EXOC2: variants seen among roughly 807,000 people sequenced by gnomAD.
The protein encoded by EXOC2 is SEC5-like 1.
Under a neutral mutation model 131.8 loss-of-function variants are expected in EXOC2, and 70 were observed. The ratio of observed to expected loss-of-function variants is 0.53; its 90% CI spans 0.44 to 0.65. The LOEUF (loss-of-function observed/expected upper bound fraction) is 0.65. Ranked by LOEUF, EXOC2 falls within the 30% of genes least tolerant of loss-of-function variation. The pLI is 0.00. For missense variants in EXOC2, 923 were observed against 1,108.6 expected (o/e 0.83, Z 2.38); for synonymous variants, 411 against 398.4 (o/e 1.03, Z -0.38).
chr6:688,418 G>C (rs1456843418), intron 1 of EXOC2, among the ~76,000 whole-genome samples: 2 of 152,286 alleles, frequency 1.3e-5, no homozygotes, highest in South Asian at 2.1e-4. Flanking sequence ...CTGAGAAGCT[G>C]CCAGGCAGAT....
At position 584,058 on chromosome 6, in the gene EXOC2, C is replaced by T. The variant is rs115534238; in HGVS notation, c.1193-7176G>A. On this transcript the variant is annotated intron_variant, in intron 11 of 27. Coordinates refer to ENST00000230449, the MANE Select transcript of EXOC2 (RefSeq NM_018303.6). ...AAAAAAGAAGCTTCCTAATGTGCAA[C>T]CTTATTATGATAACTTTAAAATTAA... Among the ~76,000 whole-genome samples, 761 of 152,212 alleles carry T rather than the reference C, an allele frequency of 5.0e-3. 7 individuals are homozygous for T. Among genetic ancestry groups the T allele is most frequent in the African/African-American group, 0.017 (719 of 41,530 alleles).
At chr6:660,260 G>A (rs201579064) in intron 1 of EXOC2, among the ~76,000 whole-genome samples, 7,012 of 133,754 alleles carry the variant, frequency 0.052, 370 homozygotes, top group East Asian at 0.34. Flanking sequence ...CTAGGGCCCC[G>A]CCCACTGCCA....
chr6:573,886 A>G (rs1758430468), intron 12 of EXOC2, among the ~76,000 whole-genome samples: 1 of 152,058 alleles, frequency 6.6e-6, no homozygotes, highest in Non-Finnish European at 1.5e-5. Context: ...TTTCTGAAAT[A>G]TTTTTTATAT....
chr6:556,237 G>A (rs1365476082), intron 18 of EXOC2, among the ~76,000 whole-genome samples: 1 of 152,130 alleles, frequency 6.6e-6, no homozygotes, highest in Non-Finnish European at 1.5e-5. Context: ...CAAGAGCCAG[G>A]CCCATCAATA....
intron 11 of EXOC2, among the ~76,000 whole-genome samples, chr6:582,321 G>T (rs1244062209): frequency 6.6e-6 from 1 of 152,040 alleles, no homozygotes; most frequent in Non-Finnish European, 1.5e-5. Context: ...CACGGAGCCA[G>T]GTGAGTAAGG....
At chr6:675,070 CCTCT>C (rs1448008889) in intron 1 of EXOC2, among the ~76,000 whole-genome samples, 1 of 152,188 alleles carries the variant, frequency 6.6e-6, no homozygotes, top group Non-Finnish European at 1.5e-5. Context: ...TCCCTGGCTC[CCTCT>C]GCCTCCTGAC....
At chr6:547,832 A>T (rs1478122369) in intron 22 of EXOC2, among the ~76,000 whole-genome samples, 1 of 152,320 alleles carries the variant, frequency 6.6e-6, no homozygotes, top group East Asian at 1.9e-4. Context: ...AATGATCTGG[A>T]CAAAGACAAG....
chr6:539,709 G>A (rs1050511938), intron 22 of EXOC2, among the ~76,000 whole-genome samples: 1 of 152,110 alleles, frequency 6.6e-6, no homozygotes, highest in African/African-American at 2.4e-5. Flanking sequence ...TAAAAATTAT[G>A]CTTCCAAGAA....
intron 1 of EXOC2, among the ~76,000 whole-genome samples, chr6:650,422 C>CT (rs768701930): frequency 1.2e-4 from 18 of 152,144 alleles, no homozygotes; most frequent in Non-Finnish European, 2.6e-4. Context: ...AACGGGCACT[C>CT]TCTAGTTTTT....
rs1292979995 is a variant in EXOC2 at position 486,350 on chromosome 6, C to T, written c.*321G>A. On this transcript the variant is annotated 3_prime_UTR_variant, in exon 28 of 28. Transcript: ENST00000230449. ...CTGAGAAATGCTTCAATATGTGCCA[C>T]GCCATTCCAGAAAACTCCCTGCAGA... 1.6e-5 allele frequency: 4 copies of T among 245,198 alleles called. No homozygotes were observed. Among genetic ancestry groups the T allele is most frequent in the South Asian group, 7.9e-5 (1 of 12,580 alleles). 15.2% of individuals were successfully genotyped at this position (245,198 alleles called of 1,614,324 possible). A position where few individuals can be genotyped will look rare whatever the true frequency, so the allele number is the denominator to read the frequency against.
chr6:585,533 A>G (rs554757462), intron 11 of EXOC2, among the ~76,000 whole-genome samples: 1 of 152,366 alleles, frequency 6.6e-6, no homozygotes, highest in East Asian at 1.9e-4. Context: ...CATCTACAAA[A>G]GGAGCTTTCT....
At chr6:609,317 C>T (rs1306247822) in intron 7 of EXOC2, among the ~76,000 whole-genome samples, 2 of 152,204 alleles carry the variant, frequency 1.3e-5, no homozygotes. Flanking sequence ...ATTCTTAACT[C>T]TACTTCCTGA....
intron 22 of EXOC2, among the ~76,000 whole-genome samples, chr6:541,932 T>C (rs1051307932): frequency 6.6e-6 from 1 of 152,246 alleles, no homozygotes; most frequent in Non-Finnish European, 1.5e-5. Context: ...CTTTAATTCA[T>C]GTTACAAACG....
chr6:497,537 G>T (rs771868031), intron 24 of EXOC2, 48 bp from the exon 25 acceptor site: 27 of 1,561,234 alleles, frequency 1.7e-5, no homozygotes, highest in Non-Finnish European at 1.9e-5. Flanking sequence ...TTTTTGACTT[G>T]AATTTGTTAA....
intron 12 of EXOC2, among the ~76,000 whole-genome samples, chr6:575,171 T>C (rs954029090): frequency 1.3e-5 from 2 of 152,194 alleles, no homozygotes; most frequent in African/African-American, 4.8e-5. Flanking sequence ...TCACACAAGA[T>C]CTAGTTGTTT....
intron 11 of EXOC2, 38 bp downstream of exon 11, chr6:592,431 G>T: frequency 6.5e-7 from 1 of 1,530,530 alleles, no homozygotes; most frequent in Non-Finnish European, 9.0e-7. Flanking sequence ...AAAATGACAT[G>T]AAGGAATCAC....
chr6:644,710 A>G (rs1445810077), intron 1 of EXOC2, among the ~76,000 whole-genome samples: 1 of 152,142 alleles, frequency 6.6e-6, no homozygotes, highest in Non-Finnish European at 1.5e-5. Flanking sequence ...GTAGGAAATG[A>G]TTAGAAAATA....
Position 486,082 on chromosome 6 carries a change from C to T in EXOC2, c.*589G>A, listed in dbSNP as rs2127459767. 6.6e-6 allele frequency: 1 copy of T among 152,312 alleles called. No individual in the cohort carries two copies. The highest frequency in any genetic ancestry group is 2.1e-4 in the South Asian group (1 of 4,820). 9.4% of individuals were successfully genotyped at this position (152,312 alleles called of 1,614,324 possible). Reference sequence around the variant, plus strand: ...GCAAAACGCAAAGTTAAATCACAGACACCTGGACCACAAATAATCTACCCC... The same window carrying T: ...GCAAAACGCAAAGTTAAATCACAGATACCTGGACCACAAATAATCTACCCC... On this transcript the variant is annotated 3_prime_UTR_variant, in exon 28 of 28. Transcript: ENST00000230449.
At chr6:541,882 T>C (rs942121149) in intron 22 of EXOC2, among the ~76,000 whole-genome samples, 1 of 152,162 alleles carries the variant, frequency 6.6e-6, no homozygotes, top group Non-Finnish European at 1.5e-5. Context: ...ATAATTCCAA[T>C]CTTATGCAAA....
Sources: allele counts gnomAD v4.1 joint callset (sites outside exome capture counted in the v4.1 genomes callset), GRCh38; gene constraint gnomAD v4.1.1; transcripts MANE v1.5; gene names NCBI Gene and HGNC (gene_info 2026-07-23, HGNC 2026-07-21).